Variants in SVIL observed in about 807,000 individuals in gnomAD.
SVIL encodes the protein archvillin.
SVIL carries 101 observed loss-of-function variants against 240.4 expected under a neutral mutation model. The observed-to-expected ratio is 0.42, with a 90% CI of 0.36 to 0.50. SVIL has a LOEUF of 0.50. Among genes scored for constraint, SVIL ranks in the 20% least tolerant of loss-of-function variants. The pLI is 0.01. For missense variants in SVIL, 2,512 were observed against 2,818.7 expected, an observed-to-expected ratio of 0.89 and a Z score of 2.46; for synonymous variants, 999 against 1,100.0, an observed-to-expected ratio of 0.91 and a Z score of 1.82.
At chr10:29,541,135 CT>C (rs1952122245) in intron 6 of SVIL, among the ~76,000 whole-genome samples, 1 of 152,148 alleles carries the variant, frequency 6.6e-6, no homozygotes, top group African/African-American at 2.4e-5. Context: ...CTCTTCATGT[CT>C]TTTAATCTTG....
chr10:29,607,739 C>T (rs1413506779), intron 1 of SVIL, among the ~76,000 whole-genome samples: 2 of 152,222 alleles, frequency 1.3e-5, no homozygotes, highest in African/African-American at 2.4e-5. Flanking sequence ...CACACCCATG[C>T]TGTGACAAGC....
In SVIL at chr10:29,551,021, G is replaced by C. The variant is rs566919175; in HGVS notation, c.403C>G (p.Arg135Gly). 4 of 1,614,108 alleles carry C rather than the reference G, an allele frequency of 2.5e-6. No individual in the cohort carries two copies. The South Asian group carries it at 4.4e-5, about 18-fold the overall frequency. The change falls in exon 6 of 38, where the codon CGC becomes GGC. Residue 135 changes from arginine (R) to glycine (G), a missense_variant. Physicochemically the swap from Arg to Gly is moderately radical, Grantham distance 125 (BLOSUM62 -2). Coordinates refer to ENST00000355867, the MANE Select transcript of SVIL (RefSeq NM_021738.3). Reference sequence around the variant, plus strand: ...GGCTCCTTCCTGGACTTGGTATAGCGGGATAAATACTCGGAGTCGGCCTCG... The same window carrying C: ...GGCTCCTTCCTGGACTTGGTATAGCCGGATAAATACTCGGAGTCGGCCTCG... The part of the protein sequence containing the change: ...DPEADSEYLS[R>G]YTKSRKEPDA...
intron 1 of SVIL, among the ~76,000 whole-genome samples, chr10:29,593,088 T>A (rs181991741): frequency 6.6e-6 from 1 of 152,320 alleles, no homozygotes; most frequent in Admixed American, 6.5e-5. Context: ...GTGGCCCTAA[T>A]CTGCGCTATG....
chr10:29,649,603 A>AGG (rs1958776325), intron 3 of SVIL, among the ~76,000 whole-genome samples: 14 of 152,272 alleles, frequency 9.2e-5, no homozygotes, highest in African/African-American at 2.9e-4. Context: ...TTTTAGCTTC[A>AGG]AAAAAATTGA....
intron 36 of SVIL, chr10:29,458,896 T>A (rs992912704): frequency 5.5e-6 from 1 of 181,274 alleles, no homozygotes; most frequent in Non-Finnish European, 1.1e-5. Context: ...AGCCTCCAGC[T>A]CCTGGGCTCA....
At chr10:29,541,200 A>G (rs1261839765) in intron 6 of SVIL, among the ~76,000 whole-genome samples, 2 of 152,172 alleles carry the variant, frequency 1.3e-5, no homozygotes, top group African/African-American at 4.8e-5. Context: ...TATTTTTGAT[A>G]AATAAGGTTT....
intron 2 of SVIL, among the ~76,000 whole-genome samples, chr10:29,673,574 TA>T (rs147295819): frequency 0.03 from 3,903 of 130,720 alleles, 170 homozygotes; most frequent in African/African-American, 0.1. Context: ...TACATGGCAT[TA>T]GGGGGGAGAG....
intron 1 of SVIL, among the ~76,000 whole-genome samples, chr10:29,717,822 C>T (rs1467948136): frequency 6.6e-6 from 1 of 152,062 alleles, no homozygotes; most frequent in African/African-American, 2.4e-5. Flanking sequence ...AACAAATATA[C>T]TTTTTCAACT....
At chr10:29,550,465 T>A in intron 6 of SVIL, 132 bp downstream of exon 6, 2 of 1,022,306 alleles carry the variant, frequency 2.0e-6, no homozygotes, top group Non-Finnish European at 2.8e-6. Context: ...AAAAGAATCA[T>A]ATACTATGAT....
chr10:29,604,466 C>T (rs550098849), intron 1 of SVIL, among the ~76,000 whole-genome samples: 5 of 148,884 alleles, frequency 3.4e-5, no homozygotes, highest in East Asian at 2.0e-4. Context: ...AAGTGACCTG[C>T]CCACCTCGGC....
chr10:29,723,020 T>C (rs1169320975), intron 1 of SVIL, among the ~76,000 whole-genome samples: 1 of 152,250 alleles, frequency 6.6e-6, no homozygotes, highest in East Asian at 1.9e-4. Flanking sequence ...TGTGATTAAA[T>C]GACATTAGAT....
chr10:29,576,657 A>G (rs1955709204), intron 1 of SVIL, among the ~76,000 whole-genome samples: 1 of 152,066 alleles, frequency 6.6e-6, no homozygotes, highest in Non-Finnish European at 1.5e-5. Context: ...AAATTCTCCC[A>G]CCTCATCCTC....
At chr10:29,612,385 T>G (rs1190968386) in intron 1 of SVIL, among the ~76,000 whole-genome samples, 1 of 152,238 alleles carries the variant, frequency 6.6e-6, no homozygotes, top group Non-Finnish European at 1.5e-5. Context: ...GTGAAATGAC[T>G]GACCATTCTT....
At chr10:29,707,739 A>G (rs957177851) in intron 1 of SVIL, among the ~76,000 whole-genome samples, 1 of 152,180 alleles carries the variant, frequency 6.6e-6, no homozygotes, top group South Asian at 2.1e-4. Context: ...TAATAGCTGA[A>G]GCTATCTTTA....
intron 1 of SVIL, among the ~76,000 whole-genome samples, chr10:29,708,494 G>A (rs1247402591): frequency 3.9e-5 from 6 of 151,900 alleles, no homozygotes; most frequent in African/African-American, 1.2e-4. Flanking sequence ...GGTGGCGGGC[G>A]CCTGTAATCC....
chr10:29,595,350 C>A (rs1382857980), intron 1 of SVIL, among the ~76,000 whole-genome samples: 1 of 152,184 alleles, frequency 6.6e-6, no homozygotes, highest in Non-Finnish European at 1.5e-5. Flanking sequence ...TGGAGCCCCA[C>A]CCGGCACCCT....
At chr10:29,561,667 GCA>G (rs1954489349) in intron 3 of SVIL, among the ~76,000 whole-genome samples, 1 of 150,954 alleles carries the variant, frequency 6.6e-6, no homozygotes, top group Admixed American at 6.6e-5. Context: ...TGCCCCATCT[GCA>G]CCCGTCCTAA....
At chr10:29,670,124 A>G (rs1318943530) in intron 2 of SVIL, among the ~76,000 whole-genome samples, 1 of 152,094 alleles carries the variant, frequency 6.6e-6, no homozygotes, top group Non-Finnish European at 1.5e-5. Context: ...CAAAAAAAAA[A>G]AAGATAAAGA....
intron 1 of SVIL, among the ~76,000 whole-genome samples, chr10:29,593,544 G>C (rs1467801444): frequency 2.0e-5 from 3 of 152,164 alleles, no homozygotes; most frequent in Non-Finnish European, 4.4e-5. Context: ...GAACAGGGTG[G>C]TTATCAAAAC....
Sources: gnomAD v4.1 joint callset for allele counts (sites outside exome capture counted in the v4.1 genomes callset) on GRCh38, gnomAD v4.1.1 for gene constraint, MANE v1.5 for transcripts, NCBI Gene and HGNC (gene_info 2026-07-23, HGNC 2026-07-21) for gene names.